The following ZFAT variants were observed in gnomAD, a reference collection of about 807,000 sequenced individuals.
ZFAT encodes zinc finger protein ZFAT.
Under a neutral mutation model 117.7 loss-of-function variants are expected in ZFAT, and 64 were observed. The observed-to-expected ratio is 0.54, with a 90% CI of 0.44 to 0.67. The LOEUF (loss-of-function observed/expected upper bound fraction) is 0.67. Ranked by LOEUF, ZFAT falls within the 30% of genes least tolerant of loss-of-function variation. ZFAT has a pLI of 0.00. For missense variants in ZFAT, 1,433 were observed against 1,584.5 expected, an observed-to-expected ratio of 0.90 and a Z score of 1.62; for synonymous variants, 679 against 615.0, an observed-to-expected ratio of 1.10 and a Z score of -1.54.
At chr8:134,769,189 C>G in the ZFAT span, among the ~76,000 whole-genome samples, 1 of 151,978 alleles carries the variant, frequency 6.6e-6, no homozygotes, top group African/African-American at 2.4e-5. Context: ...CTCCACCCCC[C>G]AAAAAAGGCC....
intron 1 of ZFAT, among the ~76,000 whole-genome samples, chr8:134,699,478 T>A (rs1247670578): frequency 6.6e-6 from 1 of 152,102 alleles, no homozygotes; most frequent in African/African-American, 2.4e-5. Context: ...TCCTAATCTG[T>A]ATAATGGCAA....
chr8:134,584,046 A>T, intron 9 of ZFAT, 41 bp from the exon 10 acceptor site: 1 of 1,523,280 alleles, frequency 6.6e-7, no homozygotes, highest in Non-Finnish European at 8.9e-7. Flanking sequence ...ATATTTACAT[A>T]CGTTTATGCA....
At chr8:134,635,524 C>T (rs965406827) in intron 3 of ZFAT, among the ~76,000 whole-genome samples, 3 of 152,136 alleles carry the variant, frequency 2.0e-5, no homozygotes, top group Non-Finnish European at 2.9e-5. Context: ...AGAGCTGCCT[C>T]GATGGCTAGC....
intron 1 of ZFAT, among the ~76,000 whole-genome samples, chr8:134,659,039 T>A (rs1036381436): frequency 1.3e-5 from 2 of 152,290 alleles, no homozygotes; most frequent in Non-Finnish European, 2.9e-5. Context: ...CCCTTCGGCA[T>A]CCCCCTCACC....
At chr8:134,656,839 C>A (rs2131200432) in intron 2 of ZFAT, among the ~76,000 whole-genome samples, 2 of 152,274 alleles carry the variant, frequency 1.3e-5, no homozygotes, top group South Asian at 4.1e-4. Context: ...TTTTCTCTGT[C>A]TGTGGGGACC....
At chr8:134,519,808 T>C (rs1245441739) in intron 13 of ZFAT, among the ~76,000 whole-genome samples, 1 of 152,218 alleles carries the variant, frequency 6.6e-6, no homozygotes, top group East Asian at 1.9e-4. Context: ...AAGATGCTGG[T>C]GTTTGGATGA....
chr8:134,511,459 G>C (rs140010499), intron 14 of ZFAT, among the ~76,000 whole-genome samples: 46 of 152,346 alleles, frequency 3.0e-4, no homozygotes, highest in African/African-American at 1.1e-3. Flanking sequence ...CAGCTCAGCA[G>C]GCAGTGAACA....
chr8:134,534,805 G>A (rs1218276327), intron 11 of ZFAT, among the ~76,000 whole-genome samples: 1 of 141,226 alleles, frequency 7.1e-6, no homozygotes, highest in African/African-American at 2.7e-5. Flanking sequence ...GAGGAGGGAG[G>A]AAAGGAAGAA....
chr8:134,813,254 C>T, the ZFAT span, among the ~76,000 whole-genome samples: 1 of 152,170 alleles, frequency 6.6e-6, no homozygotes, highest in African/African-American at 2.4e-5. Flanking sequence ...AGGCTGCTAA[C>T]TTGTGTTCAA....
At chr8:134,827,991 G>C in the ZFAT span, among the ~76,000 whole-genome samples, 2 of 151,982 alleles carry the variant, frequency 1.3e-5, no homozygotes, top group Non-Finnish European at 2.9e-5. Context: ...ACGTATCTTG[G>C]CACAAATATT....
the ZFAT span, among the ~76,000 whole-genome samples, chr8:134,740,021 C>T: frequency 6.6e-6 from 1 of 152,216 alleles, no homozygotes; most frequent in Non-Finnish European, 1.5e-5. Flanking sequence ...TCAGAATCCC[C>T]CCAGCAGAAC....
chr8:134,668,113 C>T (rs1832335318), intron 1 of ZFAT, among the ~76,000 whole-genome samples: 2 of 152,218 alleles, frequency 1.3e-5, no homozygotes, highest in Non-Finnish European at 2.9e-5. Flanking sequence ...AGCCAGGAAA[C>T]TCGAACTGGG....
At chr8:134,709,437 A>C (rs1813905696) in intron 1 of ZFAT, among the ~76,000 whole-genome samples, 1 of 152,206 alleles carries the variant, frequency 6.6e-6, no homozygotes, top group African/African-American at 2.4e-5. Context: ...TGAGAGGCAG[A>C]TCTCTGGAGC....
At chr8:134,610,073 C>G (rs933280160) in intron 4 of ZFAT, among the ~76,000 whole-genome samples, 1 of 152,212 alleles carries the variant, frequency 6.6e-6, no homozygotes, top group Non-Finnish European at 1.5e-5. Flanking sequence ...GGAGCAGCAG[C>G]CTGCATGCGT....
intron 11 of ZFAT, 187 bp downstream of exon 11, chr8:134,565,146 T>A: frequency 6.5e-7 from 1 of 1,528,188 alleles, no homozygotes; most frequent in Non-Finnish European, 8.8e-7. Context: ...AGAGCAATGC[T>A]ACGCTTCTGG....
At chr8:134,687,245 T>C (rs565666018) in intron 1 of ZFAT, among the ~76,000 whole-genome samples, 2 of 152,264 alleles carry the variant, frequency 1.3e-5, no homozygotes, top group South Asian at 2.1e-4. Flanking sequence ...CCAACTCCCA[T>C]AGCTCACACA....
chr8:134,529,139 C>T (rs183204618), intron 12 of ZFAT, among the ~76,000 whole-genome samples: 191 of 152,234 alleles, frequency 1.3e-3, no homozygotes, highest in Non-Finnish European at 2.2e-3. Context: ...TCAAAAATCC[C>T]GGCCCAGGTC....
chr8:134,828,421 A>T, the ZFAT span, among the ~76,000 whole-genome samples: 10 of 152,204 alleles, frequency 6.6e-5, no homozygotes, highest in Non-Finnish European at 1.3e-4. Context: ...AGCATTCTGA[A>T]GATATTTTTT....
chr8:134,651,116 GT>G (rs1831211458), intron 2 of ZFAT, among the ~76,000 whole-genome samples: 1 of 152,298 alleles, frequency 6.6e-6, no homozygotes. Context: ...ATTGAAAAAA[GT>G]TTGACAGTCC....
Sources: allele counts gnomAD v4.1 joint callset (sites outside exome capture counted in the v4.1 genomes callset), GRCh38; gene constraint gnomAD v4.1.1; transcripts MANE v1.5; gene names NCBI Gene and HGNC (gene_info 2026-07-23, HGNC 2026-07-21).